The following CAMK4 variants were observed in gnomAD, a reference collection of about 807,000 sequenced individuals.
CAMK4 encodes calcium/calmodulin dependent protein kinase IV, also known as calcium/calmodulin-dependent protein kinase type IV.
A neutral mutation model predicts 44.9 loss-of-function variants in CAMK4; 22 were observed. That is an observed-to-expected ratio of 0.49 (90% CI 0.35 to 0.70). The LOEUF (loss-of-function observed/expected upper bound fraction) is 0.70, where lower values mean the gene tolerates loss of function less well. Ranked by LOEUF, CAMK4 falls within the 30% of genes least tolerant of loss-of-function variation. The pLI is 0.01. For synonymous variants in CAMK4, 218 were observed against 215.4 expected, an observed-to-expected ratio of 1.01 and a Z score of -0.11; for missense variants, 498 against 586.8, an observed-to-expected ratio of 0.85 and a Z score of 1.56.
At chr5:111,286,134 C>T (rs1751231256) in intron 1 of CAMK4, among the ~76,000 whole-genome samples, 1 of 152,118 alleles carries the variant, frequency 6.6e-6, no homozygotes, top group Non-Finnish European at 1.5e-5. Flanking sequence ...ACCCATATTC[C>T]AATAGTGAGA....
intron 8 of CAMK4, among the ~76,000 whole-genome samples, chr5:111,477,286 C>G (rs1755280126): frequency 6.6e-6 from 1 of 152,220 alleles, no homozygotes; most frequent in African/African-American, 2.4e-5. Context: ...AAACATTCTC[C>G]CAGTGGGACA....
At chr5:111,315,852 C>T (rs1409224806) in intron 1 of CAMK4, among the ~76,000 whole-genome samples, 3 of 152,012 alleles carry the variant, frequency 2.0e-5, no homozygotes, top group Non-Finnish European at 2.9e-5. Context: ...TGAGATATTG[C>T]GAAGGGCTGC....
intron 7 of CAMK4, chr5:111,449,975 T>C (rs2112978890): frequency 6.6e-6 from 1 of 152,258 alleles, no homozygotes; most frequent in East Asian, 1.9e-4. Context: ...AAAGACAAGA[T>C]TTCAAGTTAT....
intron 1 of CAMK4, among the ~76,000 whole-genome samples, chr5:111,228,305 T>G (rs1424211038): frequency 6.6e-6 from 1 of 152,186 alleles, no homozygotes; most frequent in Non-Finnish European, 1.5e-5. Flanking sequence ...TGTAGTTTCT[T>G]TAGGCTAGGC....
intron 9 of CAMK4, among the ~76,000 whole-genome samples, chr5:111,478,992 C>T (rs1335405345): frequency 1.3e-5 from 2 of 152,172 alleles, no homozygotes; most frequent in African/African-American, 2.4e-5. Flanking sequence ...ATCCTCCCAC[C>T]TCCATCTCCT....
chr5:111,405,297 A>G (rs138247628), intron 5 of CAMK4, among the ~76,000 whole-genome samples: 5,267 of 152,198 alleles, frequency 0.035, 114 homozygotes, highest in South Asian at 0.068. Flanking sequence ...GTGAAACCCC[A>G]TCTCTACTAA....
intron 5 of CAMK4, among the ~76,000 whole-genome samples, chr5:111,416,169 C>A (rs1752806864): frequency 6.6e-6 from 1 of 151,720 alleles, no homozygotes. Context: ...TATGATATAC[C>A]AAAATAATTT....
chr5:111,279,871 GT>G (rs2112601149), intron 1 of CAMK4, among the ~76,000 whole-genome samples: 1 of 152,308 alleles, frequency 6.6e-6, no homozygotes, highest in African/African-American at 2.4e-5. Flanking sequence ...CACAAATGCT[GT>G]TTGCAATGTT....
chr5:111,412,836 C>T (rs987196466), intron 5 of CAMK4, among the ~76,000 whole-genome samples: 6 of 152,072 alleles, frequency 3.9e-5, no homozygotes, highest in Non-Finnish European at 4.4e-5. Flanking sequence ...TGATAATAAC[C>T]GCATGACCCA....
chr5:111,460,052 G>A (rs1168447821), intron 7 of CAMK4, among the ~76,000 whole-genome samples: 4 of 151,972 alleles, frequency 2.6e-5, no homozygotes, highest in African/African-American at 7.3e-5. Context: ...AAAGGAAGAG[G>A]TGATTGATAG....
intron 2 of CAMK4, among the ~76,000 whole-genome samples, chr5:111,352,522 A>T (rs1259825509): frequency 1.3e-5 from 2 of 151,942 alleles, no homozygotes; most frequent in Non-Finnish European, 2.9e-5. Context: ...AGACTGAATC[A>T]TTTATAATGA....
At chr5:111,406,144 C>T (rs997174329) in intron 5 of CAMK4, among the ~76,000 whole-genome samples, 1 of 150,974 alleles carries the variant, frequency 6.6e-6, no homozygotes. Flanking sequence ...CTAGTAGTTC[C>T]TCTGATTACC....
intron 1 of CAMK4, among the ~76,000 whole-genome samples, chr5:111,314,634 T>G (rs77883534): frequency 0.039 from 5,926 of 152,094 alleles, 136 homozygotes; most frequent in South Asian, 0.066. Context: ...ATTAATTAGT[T>G]CCCACCAATA....
Position 111,486,746 on chromosome 5 carries a change from C to T in CAMK4, c.*2280C>T, listed in dbSNP as rs1375068385. On this transcript the variant is annotated 3_prime_UTR_variant, in exon 11 of 11. Coordinates refer to ENST00000282356, the MANE Select transcript of CAMK4 (RefSeq NM_001744.6). ...AGAAACAACGTTGCAAATACCATGC[C>T]CAATGTGTATTTTAGAATTTACTCA... 6.6e-6 allele frequency: 1 copy of T among 152,068 alleles called. No individual in the cohort carries two copies. The highest frequency in any genetic ancestry group is 2.4e-5 in the African/African-American group (1 of 41,384). 9.4% of individuals were successfully genotyped at this position (152,068 alleles called of 1,614,324 possible).
intron 5 of CAMK4, among the ~76,000 whole-genome samples, chr5:111,415,211 T>C (rs532493053): frequency 2.0e-5 from 3 of 152,294 alleles, no homozygotes; most frequent in East Asian, 3.9e-4. Context: ...AGTAGCCCAA[T>C]GAAATTTTGC....
intron 1 of CAMK4, among the ~76,000 whole-genome samples, chr5:111,326,647 T>C (rs1042203803): frequency 3.3e-5 from 5 of 150,748 alleles, no homozygotes; most frequent in Non-Finnish European, 5.9e-5. Context: ...AAATATATGC[T>C]TTGCGTGTCT....
At chr5:111,468,160 G>A (rs1002109657) in intron 7 of CAMK4, among the ~76,000 whole-genome samples, 14 of 152,136 alleles carry the variant, frequency 9.2e-5, no homozygotes, top group African/African-American at 3.4e-4. Context: ...ATGGACTTTG[G>A]AGACTCAGGG....
chr5:111,267,100 C>T (rs1196415327), intron 1 of CAMK4, among the ~76,000 whole-genome samples: 4 of 152,082 alleles, frequency 2.6e-5, no homozygotes, highest in Admixed American at 6.5e-5. Flanking sequence ...TCCCTGAATC[C>T]TATTAATATG....
rs1174315920 is a variant in CAMK4 at position 111,303,226 on chromosome 5, C to T, written c.162-40798C>T. ...AAGGAACGCAGTTCCTCACCAGCAA[C>T]GGAACAAAGCTGGATGGAGAATGAT... On this transcript the variant is annotated intron_variant, in intron 1 of 10. Coordinates refer to ENST00000282356, the MANE Select transcript of CAMK4 (RefSeq NM_001744.6). Among the ~76,000 whole-genome samples, 4 of 114,442 alleles carry T rather than the reference C, an allele frequency of 3.5e-5. No homozygotes were observed. The South Asian group carries it at 1.0e-3, about 29-fold the overall frequency. The allele number at this position is 114,442 out of a possible 152,430, so 75.1% of individuals were successfully genotyped here. A position where few individuals can be genotyped will look rare whatever the true frequency, so the allele number is the denominator to read the frequency against.
Sources: allele counts gnomAD v4.1 joint callset (sites outside exome capture counted in the v4.1 genomes callset), GRCh38; gene constraint gnomAD v4.1.1; transcripts MANE v1.5; gene names NCBI Gene and HGNC (gene_info 2026-07-23, HGNC 2026-07-21).